The following NELL1 variants were observed in gnomAD, a reference collection of about 807,000 sequenced individuals.
The protein encoded by NELL1 is neural EGFL like 1.
In NELL1, 76 loss-of-function variants were observed where a neutral mutation model predicts 107.4. The ratio of observed to expected loss-of-function variants is 0.71; its 90% CI spans 0.59 to 0.86. The LOEUF is 0.86. Ranked by LOEUF, NELL1 falls within the 40% of genes least tolerant of loss-of-function variation. The probability of loss-of-function intolerance (pLI) is 0.00; values close to 1 mark genes in which losing one functional copy is unlikely to be tolerated. For missense variants in NELL1, 1,024 were observed against 1,005.5 expected (o/e 1.02, Z -0.25); for synonymous variants, 353 against 341.2 (o/e 1.03, Z -0.38).
intron 13 of NELL1, among the ~76,000 whole-genome samples, chr11:21,214,574 T>G (rs1337103482): frequency 6.6e-6 from 1 of 152,146 alleles, no homozygotes; most frequent in African/African-American, 2.4e-5. Context: ...GAAACGATCA[T>G]TCAGACATTG....
At chr11:20,732,862 T>A (rs1364164007) in intron 2 of NELL1, among the ~76,000 whole-genome samples, 1 of 152,194 alleles carries the variant, frequency 6.6e-6, no homozygotes, top group African/African-American at 2.4e-5. Flanking sequence ...TCATTAATTC[T>A]TTTGTAAGTC....
At chr11:21,242,548 C>T (rs1858390504) in intron 14 of NELL1, among the ~76,000 whole-genome samples, 2 of 152,066 alleles carry the variant, frequency 1.3e-5, no homozygotes, top group Admixed American at 1.3e-4. Flanking sequence ...AAATAAAATG[C>T]TACATGAATA....
At chr11:20,865,787 A>G (rs1424994857) in intron 4 of NELL1, among the ~76,000 whole-genome samples, 1 of 152,110 alleles carries the variant, frequency 6.6e-6, no homozygotes, top group Non-Finnish European at 1.5e-5. Context: ...CATCCCTCAC[A>G]GTTTATGTAC....
rs546246916 is a variant in NELL1, at chr11:20,676,840, T to C, written c.56-1092T>C. On this transcript the variant is annotated intron_variant, in intron 1 of 19. Transcript: ENST00000357134. ...TCAGATGAGAGTTGACAGCTGTTGCTGATTAAAACATTTCCAACAGCACAG... is the reference window on the plus strand; with the variant it reads ...TCAGATGAGAGTTGACAGCTGTTGCCGATTAAAACATTTCCAACAGCACAG... Among the ~76,000 whole-genome samples, 4 of 152,340 alleles carry C rather than the reference T, an allele frequency of 2.6e-5. No individual in the cohort carries two copies. In the South Asian group the frequency reaches 8.3e-4, roughly 32 times the overall value.
intron 3 of NELL1, among the ~76,000 whole-genome samples, chr11:20,812,237 C>T (rs1857516539): frequency 6.6e-6 from 1 of 151,980 alleles, no homozygotes; most frequent in South Asian, 2.1e-4. Context: ...CTGCATTATG[C>T]TTATTGTGTT....
chr11:20,905,082 C>T (rs1274812555), intron 5 of NELL1, among the ~76,000 whole-genome samples: 2 of 151,662 alleles, frequency 1.3e-5, no homozygotes, highest in African/African-American at 4.8e-5. Flanking sequence ...TCCAGCAATC[C>T]TCTTTCCACA....
rs529568373 is a variant in NELL1 at position 21,096,620 on chromosome 11, C to T, written c.1301-16969C>T. 4.6e-5 allele frequency among the ~76,000 whole-genome samples: 7 copies of T among 152,310 alleles called. No homozygotes were observed. The East Asian group carries it at 1.4e-3, about 29-fold the overall frequency. ...GCACCTACCTGCTCAGGCTTTATCT[C>T]TATCATAAACTGTACCATCATTCTA... On this transcript the variant is annotated intron_variant, in intron 12 of 19. Transcript: ENST00000357134.
intron 3 of NELL1, among the ~76,000 whole-genome samples, chr11:20,833,100 C>A (rs2134039282): frequency 6.6e-6 from 1 of 152,252 alleles, no homozygotes; most frequent in African/African-American, 2.4e-5. Flanking sequence ...GAGGGCCTGG[C>A]TTAGGCATCA....
chr11:21,161,778 A>G (rs1238276938), intron 13 of NELL1, among the ~76,000 whole-genome samples: 1 of 151,926 alleles, frequency 6.6e-6, no homozygotes, highest in Non-Finnish European at 1.5e-5. Flanking sequence ...GATATTATAT[A>G]ATTTTTTCAC....
chr11:21,482,797 T>TTTTG (rs146095075), intron 15 of NELL1, among the ~76,000 whole-genome samples: 18 of 151,640 alleles, frequency 1.2e-4, no homozygotes, highest in South Asian at 4.2e-4. Flanking sequence ...GTGCCTTTCC[T>TTTTG]TTTGTTTGTT....
chr11:21,454,097 G>A (rs1490626836), intron 15 of NELL1, among the ~76,000 whole-genome samples: 1 of 112,216 alleles, frequency 8.9e-6, no homozygotes, highest in Non-Finnish European at 1.8e-5. Flanking sequence ...CCCCACCACA[G>A]TCCCCAGAGG....
At chr11:21,523,953 G>C (rs1855789073) in intron 15 of NELL1, among the ~76,000 whole-genome samples, 1 of 151,988 alleles carries the variant, frequency 6.6e-6, no homozygotes, top group South Asian at 2.1e-4. Context: ...ATTTGTTCCT[G>C]TTTGTTTCAG....
chr11:21,434,365 G>C (rs150494592), intron 15 of NELL1, among the ~76,000 whole-genome samples: 260 of 152,166 alleles, frequency 1.7e-3, no homozygotes, highest in African/African-American at 6.1e-3. Flanking sequence ...GTTGATTTTT[G>C]CATATGGTGA....
intron 15 of NELL1, among the ~76,000 whole-genome samples, chr11:21,487,319 A>G (rs1374470607): frequency 6.6e-6 from 1 of 152,188 alleles, no homozygotes; most frequent in Admixed American, 6.5e-5. Flanking sequence ...ATGTGCTGAA[A>G]GAATAAACTG....
chr11:21,551,582 A>G (rs1856586285), intron 16 of NELL1, among the ~76,000 whole-genome samples: 1 of 151,530 alleles, frequency 6.6e-6, no homozygotes, highest in Admixed American at 6.6e-5. Flanking sequence ...CAAAACCGCA[A>G]TGAGATACCA....
intron 16 of NELL1, among the ~76,000 whole-genome samples, chr11:21,549,752 A>G (rs1856530819): frequency 6.6e-6 from 1 of 151,886 alleles, no homozygotes; most frequent in African/African-American, 2.4e-5. Flanking sequence ...AGTATTAAAG[A>G]TTTTAAAAAC....
At chr11:21,475,863 A>G (rs143910795) in intron 15 of NELL1, among the ~76,000 whole-genome samples, 47 of 152,318 alleles carry the variant, frequency 3.1e-4, no homozygotes, top group African/African-American at 1.1e-3. Context: ...CCAGAATTTC[A>G]TACTGGATAG....
intron 15 of NELL1, among the ~76,000 whole-genome samples, chr11:21,460,936 A>G (rs1853885554): frequency 6.6e-6 from 1 of 152,146 alleles, no homozygotes. Context: ...ATAATTTTCT[A>G]CAGGAAGAAT....
intron 3 of NELL1, among the ~76,000 whole-genome samples, chr11:20,794,010 A>G (rs1857123975): frequency 6.6e-6 from 1 of 152,228 alleles, no homozygotes; most frequent in Non-Finnish European, 1.5e-5. Flanking sequence ...GTATTGATTA[A>G]CTGATTGATT....
Sources: allele counts gnomAD v4.1 joint callset (sites outside exome capture counted in the v4.1 genomes callset), GRCh38; gene constraint gnomAD v4.1.1; transcripts MANE v1.5; gene names NCBI Gene and HGNC (gene_info 2026-07-23, HGNC 2026-07-21).